DNAH5: variants seen among roughly 807,000 people sequenced by gnomAD.
DNAH5 encodes the protein dynein axonemal heavy chain 5, also known as axonemal beta dynein heavy chain 5.
In DNAH5, 372 loss-of-function variants were observed where a neutral mutation model predicts 518.2. The observed-to-expected ratio is 0.72, with a 90% CI of 0.66 to 0.78. DNAH5 has a LOEUF of 0.78. DNAH5 is among the 30% of genes least tolerant of loss of function. The pLI is 0.00. For missense variants in DNAH5, 5,523 were observed against 5,687.0 expected (o/e 0.97, Z 0.93); for synonymous variants, 2,039 against 2,025.9 (o/e 1.01, Z -0.17).
At chr5:13,923,567 C>T (rs1580910913) in intron 3 of DNAH5, 127 bp from the exon 4 acceptor site, 2 of 974,292 alleles carry the variant, frequency 2.1e-6, no homozygotes, top group South Asian at 1.4e-5. Flanking sequence ...GATGGGTCCA[C>T]CTCTTGAACA....
chr5:13,830,530 AC>A, intron 36 of DNAH5, 66 bp downstream of exon 36: 1 of 1,582,684 alleles, frequency 6.3e-7, no homozygotes, highest in Non-Finnish European at 8.7e-7. Context: ...ATTGTTGAAA[AC>A]AAATTTTAGC....
rs77490859 is a variant in DNAH5, at chr5:13,724,544, G to A, written c.12033+2963C>T. On this transcript the variant is annotated intron_variant, in intron 70 of 78. Transcript: ENST00000265104. The stretch of plus-strand genomic sequence containing the variant: ...GGAAGAGATGATTGTATTTTGCAAT[G>A]TAAGAAGGACATGGGATTTGAGGGG... 4.5e-3 allele frequency among the ~76,000 whole-genome samples: 679 copies of A among 152,292 alleles called. 5 individuals are homozygous for A. Among genetic ancestry groups the A allele is most frequent in the African/African-American group, 0.015 (630 of 41,568 alleles).
chr5:13,744,460 T>C, intron 65 of DNAH5, among the ~76,000 whole-genome samples: 1 of 152,152 alleles, frequency 6.6e-6, no homozygotes, highest in South Asian at 2.1e-4. Context: ...TTATATTATA[T>C]AATTTCAAAT....
chr5:13,962,270 T>C (rs977956680), intron 1 of DNAH5, among the ~76,000 whole-genome samples: 9 of 152,174 alleles, frequency 5.9e-5, no homozygotes, highest in African/African-American at 2.2e-4. Context: ...TTTAACCAAA[T>C]AATATTTTTA....
At chr5:14,007,079 G>A (rs1784771545) in intron 1 of DNAH5, among the ~76,000 whole-genome samples, 1 of 152,192 alleles carries the variant, frequency 6.6e-6, no homozygotes, top group Non-Finnish European at 1.5e-5. Context: ...CTCCACCCAG[G>A]CGAGGACTCT....
rs939868834 is a variant in DNAH5 at position 13,690,791 on chromosome 5, CTAAT to C, written c.*1189_*1192del. 2 of 152,114 alleles carry C rather than the reference CTAAT, an allele frequency of 1.3e-5. No homozygotes were observed. The highest frequency in any genetic ancestry group is 4.8e-5 in the African/African-American group (2 of 41,436). 9.4% of individuals were successfully genotyped at this position (152,114 alleles called of 1,614,324 possible). On this transcript the variant is annotated 3_prime_UTR_variant, in exon 79 of 79. Coordinates refer to ENST00000265104, the MANE Select transcript of DNAH5 (RefSeq NM_001369.3). ...TGAAAAGTTCCTTTGATAATGTTTC[CTAAT>C]TAATAAAAGTCCATAGAAAGTCCCT...
chr5:13,881,292 C>A (rs1771644908), intron 21 of DNAH5, among the ~76,000 whole-genome samples: 1 of 151,854 alleles, frequency 6.6e-6, no homozygotes, highest in Non-Finnish European at 1.5e-5. Context: ...ACACTTTAGA[C>A]CAAATATACC....
intron 30 of DNAH5, among the ~76,000 whole-genome samples, chr5:13,854,666 G>C (rs1479170917): frequency 2.7e-5 from 4 of 149,686 alleles, no homozygotes; most frequent in African/African-American, 7.4e-5. Context: ...TAAAGGGATA[G>C]AGGAATATTT....
chr5:14,005,447 T>C (rs572106405), intron 1 of DNAH5, among the ~76,000 whole-genome samples: 1 of 152,276 alleles, frequency 6.6e-6, no homozygotes, highest in East Asian at 1.9e-4. Flanking sequence ...AAAATAAAGG[T>C]TTGTGGGACA....
intron 15 of DNAH5, among the ~76,000 whole-genome samples, chr5:13,897,029 A>G (rs1362147022): frequency 6.6e-6 from 1 of 152,210 alleles, no homozygotes; most frequent in Non-Finnish European, 1.5e-5. Flanking sequence ...GCTGCATACA[A>G]TATCTCCCCT....
At chr5:13,957,031 C>T (rs1780805853) in intron 1 of DNAH5, among the ~76,000 whole-genome samples, 1 of 152,144 alleles carries the variant, frequency 6.6e-6, no homozygotes, top group Non-Finnish European at 1.5e-5. Flanking sequence ...GTTTATCTAG[C>T]TTTTTTCTTT....
At chr5:13,826,687 A>G (rs1762934180) in intron 38 of DNAH5, among the ~76,000 whole-genome samples, 1 of 152,172 alleles carries the variant, frequency 6.6e-6, no homozygotes. Context: ...TTTGTAAATT[A>G]CCCAGTCTCA....
intron 1 of DNAH5, among the ~76,000 whole-genome samples, chr5:13,985,662 C>G (rs1190448461): frequency 6.6e-6 from 1 of 152,034 alleles, no homozygotes; most frequent in Non-Finnish European, 1.5e-5. Flanking sequence ...GAAGCATATA[C>G]CCCTGGCAAA....
At chr5:13,836,532 A>C (rs984132572) in intron 35 of DNAH5, among the ~76,000 whole-genome samples, 1 of 152,148 alleles carries the variant, frequency 6.6e-6, no homozygotes, top group Non-Finnish European at 1.5e-5. Context: ...GGAGAGAATG[A>C]TCAACTGCTC....
At chr5:13,775,972 C>CAAAA (rs369053509) in intron 55 of DNAH5, among the ~76,000 whole-genome samples, 1,351 of 106,550 alleles carry the variant, frequency 0.013, 18 homozygotes, top group African/African-American at 0.042. Context: ...CAAAAGCTTT[C>CAAAA]AAAAAAAAAA....
At chr5:13,699,296 G>A (rs6554803) in intron 78 of DNAH5, among the ~76,000 whole-genome samples, 29 of 152,072 alleles carry the variant, frequency 1.9e-4, no homozygotes, top group Non-Finnish European at 3.8e-4. Flanking sequence ...TACTTACTAC[G>A]GGTCTCCTTC....
chr5:13,778,539 GAAGAAAGA>G lies in DNAH5; in HGVS notation c.8952-1192_8952-1185del, dbSNP rs397996833. The stretch of plus-strand genomic sequence containing the variant: ...GGGGAGAGAAAGTGAGAGAGAGAGA[GAAGAAAGA>G]AAGAAAGAAAGAAAGAAAGAAAGAA... On this transcript the variant is annotated intron_variant, in intron 53 of 78. Transcript: ENST00000265104. Among the ~76,000 whole-genome samples, 474 of 73,906 alleles carry G rather than the reference GAAGAAAGA, an allele frequency of 6.4e-3. 2 individuals are homozygous for G. Among genetic ancestry groups the G allele is most frequent in the South Asian group, 0.013 (28 of 2,110 alleles). 48.5% of individuals were successfully genotyped at this position (73,906 alleles called of 152,430 possible).
At chr5:13,802,067 T>A (rs60838073) in intron 47 of DNAH5, among the ~76,000 whole-genome samples, 132 of 148,254 alleles carry the variant, frequency 8.9e-4, no homozygotes, top group South Asian at 5.1e-3. Context: ...TACTGATTTT[T>A]AAAAAAAAAA....
Position 13,769,553 on chromosome 5 carries a change from T to C in DNAH5, c.9668A>G (p.Glu3223Gly). ...TAGCTCCTTTTCTTTCGCTTCCAGT[T>C]CTTTACTCAAGGCTGCAACAGACTC... ...ASESVAALSK[E>G]LEAKEKELQV... The change falls in exon 57 of 79, where the codon GAA (glutamate) becomes GGA (glycine). Residue 3223 changes from glutamate to glycine, a missense_variant. Coordinates refer to ENST00000265104, the MANE Select transcript of DNAH5 (RefSeq NM_001369.3). 6.2e-7 allele frequency: 1 copy of C among 1,614,112 alleles called. No individual in the cohort carries two copies.
Sources: gnomAD v4.1 joint callset for allele counts (sites outside exome capture counted in the v4.1 genomes callset) on GRCh38, gnomAD v4.1.1 for gene constraint, MANE v1.5 for transcripts, NCBI Gene and HGNC (gene_info 2026-07-23, HGNC 2026-07-21) for gene names.